TRAPPC9: variants seen among roughly 807,000 people sequenced by gnomAD.
TRAPPC9 encodes the protein trafficking protein particle complex subunit 9.
Under a neutral mutation model 124.0 loss-of-function variants are expected in TRAPPC9, and 83 were observed. The ratio of observed to expected loss-of-function variants is 0.67; its 90% CI spans 0.56 to 0.80. The LOEUF (loss-of-function observed/expected upper bound fraction) is 0.80, where lower values mean the gene tolerates loss of function less well. Ranked by LOEUF, TRAPPC9 falls within the 30% of genes least tolerant of loss-of-function variation. The probability of loss-of-function intolerance (pLI) is 0.00; values close to 1 mark genes in which losing one functional copy is unlikely to be tolerated. For missense variants in TRAPPC9, 1,302 were observed against 1,508.3 expected, an observed-to-expected ratio of 0.86 and a Z score of 2.27; for synonymous variants, 638 against 617.5, an observed-to-expected ratio of 1.03 and a Z score of -0.49.
chr8:140,149,262 C>T (rs1800599627), intron 17 of TRAPPC9, among the ~76,000 whole-genome samples: 4 of 152,094 alleles, frequency 2.6e-5, no homozygotes, highest in Admixed American at 1.3e-4. Flanking sequence ...CAAGCCACTT[C>T]CAATGGACCA....
At chr8:140,177,578 A>G (rs577831321) in intron 17 of TRAPPC9, among the ~76,000 whole-genome samples, 10 of 152,282 alleles carry the variant, frequency 6.6e-5, no homozygotes, top group Admixed American at 3.9e-4. Context: ...TTTAGTTCCT[A>G]CATACGTCAT....
intron 19 of TRAPPC9, among the ~76,000 whole-genome samples, chr8:139,959,366 T>A (rs1256586938): frequency 6.6e-6 from 1 of 152,190 alleles, no homozygotes; most frequent in Non-Finnish European, 1.5e-5. Flanking sequence ...AGCCACAACA[T>A]CCATAAATCA....
intron 17 of TRAPPC9, among the ~76,000 whole-genome samples, chr8:140,136,287 G>A (rs1010592378): frequency 6.6e-6 from 1 of 152,180 alleles, no homozygotes; most frequent in Non-Finnish European, 1.5e-5. Flanking sequence ...GACCATCAGG[G>A]GATCCGGGTG....
At chr8:139,779,825 A>C (rs1362847123) in intron 21 of TRAPPC9, among the ~76,000 whole-genome samples, 4 of 152,194 alleles carry the variant, frequency 2.6e-5, no homozygotes, top group Non-Finnish European at 5.9e-5. Flanking sequence ...AATTAGAAGG[A>C]TGCAGGACAC....
intron 17 of TRAPPC9, among the ~76,000 whole-genome samples, chr8:140,055,854 A>T (rs1278869880): frequency 1.3e-5 from 2 of 152,218 alleles, no homozygotes; most frequent in Admixed American, 1.3e-4. Flanking sequence ...AAAATTAAAG[A>T]TACAAATGAA....
intron 21 of TRAPPC9, among the ~76,000 whole-genome samples, chr8:139,751,427 C>G (rs896832293): frequency 1.3e-5 from 2 of 152,206 alleles, no homozygotes; most frequent in African/African-American, 4.8e-5. Flanking sequence ...GGGCCATGCC[C>G]TAGCCTTGCT....
chr8:139,988,859 T>C lies in TRAPPC9; in HGVS notation c.2700-23A>G, dbSNP rs1837440788. ...GTACTGCGTTAAAGAAAAAAGAAAG[T>C]TCAGAATCCTCTGACAGCCAAAGAG... On this transcript the variant is annotated intron_variant, in intron 18 of 22. Transcript: ENST00000438773. 4 of 1,461,080 alleles carry C rather than the reference T, an allele frequency of 2.7e-6. No individual in the cohort carries two copies. In the South Asian group the frequency reaches 4.9e-5, roughly 18 times the overall value. 90.5% of individuals were successfully genotyped at this position (1,461,080 alleles called of 1,614,324 possible).
At chr8:140,231,401 A>G (rs1037037619) in intron 16 of TRAPPC9, among the ~76,000 whole-genome samples, 1 of 152,180 alleles carries the variant, frequency 6.6e-6, no homozygotes, top group African/African-American at 2.4e-5. Flanking sequence ...CTTCCAGCAA[A>G]AAGAGAGAAA....
chr8:140,308,281 T>C (rs548160531), intron 10 of TRAPPC9, among the ~76,000 whole-genome samples: 2 of 151,610 alleles, frequency 1.3e-5, no homozygotes, highest in East Asian at 1.9e-4. Flanking sequence ...CTGCAAGCCA[T>C]GCAAAGCAAG....
intron 11 of TRAPPC9, 119 bp from the exon 12 acceptor site, chr8:140,291,197 ATCT>A (rs1180927480): frequency 5.4e-6 from 5 of 918,428 alleles, no homozygotes; most frequent in East Asian, 2.5e-5. Flanking sequence ...AGGCTCTATG[ATCT>A]TCTTGAGATG....
At chr8:139,832,446 G>A (rs1826055563) in intron 21 of TRAPPC9, among the ~76,000 whole-genome samples, 1 of 152,234 alleles carries the variant, frequency 6.6e-6, no homozygotes, top group Non-Finnish European at 1.5e-5. Context: ...TCTGGGACGA[G>A]CAGGTATGGC....
chr8:140,372,345 T>C (rs546233265), intron 7 of TRAPPC9, among the ~76,000 whole-genome samples: 1 of 152,286 alleles, frequency 6.6e-6, no homozygotes, highest in Non-Finnish European at 1.5e-5. Context: ...TGAACGCCCT[T>C]CCAACTTGGG....
intron 9 of TRAPPC9, among the ~76,000 whole-genome samples, chr8:140,313,310 G>A (rs2066352201): frequency 1.3e-5 from 2 of 151,944 alleles, no homozygotes; most frequent in South Asian, 2.1e-4. Context: ...ACACACTCTC[G>A]GTAAATGCTG....
rs143524717 is a variant in TRAPPC9 at position 139,822,632 on chromosome 8, G to A, written c.3055+63247C>T. 7.3e-3 allele frequency among the ~76,000 whole-genome samples: 1,109 copies of A among 152,234 alleles called. 12 individuals are homozygous for A. Among genetic ancestry groups the A allele is most frequent in the South Asian group, 0.021 (101 of 4,818 alleles). Reference sequence around the variant, plus strand: ...CAAGAGCCGTAGGATGGCGGGGGGGGGCTGCCTTGCCTCCATGGGAAGGAC... The same window carrying A: ...CAAGAGCCGTAGGATGGCGGGGGGGAGCTGCCTTGCCTCCATGGGAAGGAC... On this transcript the variant is annotated intron_variant, in intron 21 of 22. Coordinates refer to ENST00000438773, the MANE Select transcript of TRAPPC9 (RefSeq NM_001160372.4).
chr8:139,790,368 G>A (rs892212004), intron 21 of TRAPPC9, among the ~76,000 whole-genome samples: 4 of 152,186 alleles, frequency 2.6e-5, no homozygotes, highest in Non-Finnish European at 5.9e-5. Flanking sequence ...GAAAGAGACC[G>A]GGGAGCGCTT....
chr8:140,352,033 C>T (rs2067599025), intron 9 of TRAPPC9, among the ~76,000 whole-genome samples: 1 of 152,194 alleles, frequency 6.6e-6, no homozygotes, highest in Non-Finnish European at 1.5e-5. Flanking sequence ...ACAAAGTCCC[C>T]CATTCCCCCA....
chr8:140,186,970 T>A (rs1028854918), intron 17 of TRAPPC9, among the ~76,000 whole-genome samples: 2 of 151,968 alleles, frequency 1.3e-5, no homozygotes, highest in African/African-American at 4.8e-5. Context: ...CCAGTGGGAG[T>A]GAGCATCAGG....
intron 9 of TRAPPC9, among the ~76,000 whole-genome samples, chr8:140,340,703 C>T (rs2067169148): frequency 6.6e-6 from 1 of 152,224 alleles, no homozygotes; most frequent in African/African-American, 2.4e-5. Flanking sequence ...TTAAAGATCA[C>T]AGCCCCTACT....
chr8:140,215,704 G>A lies in TRAPPC9; in HGVS notation c.2556+5755C>T, dbSNP rs117967999. Among the ~76,000 whole-genome samples, 76 of 150,292 alleles carry A rather than the reference G, an allele frequency of 5.1e-4. No homozygotes were observed. The East Asian group carries it at 7.0e-3, about 14-fold the overall frequency. On this transcript the variant is annotated intron_variant, in intron 17 of 22. Transcript: ENST00000438773. Reference sequence around the variant, plus strand: ...TGCCCTGACTCCACCACCCACAGACGCGGCGAACTTGGGCAAGTCTTCCCT... The same window carrying A: ...TGCCCTGACTCCACCACCCACAGACACGGCGAACTTGGGCAAGTCTTCCCT...
Sources: allele counts gnomAD v4.1 joint callset (sites outside exome capture counted in the v4.1 genomes callset), GRCh38; gene constraint gnomAD v4.1.1; transcripts MANE v1.5; gene names NCBI Gene and HGNC (gene_info 2026-07-23, HGNC 2026-07-21).